Variants in FAM171A1 observed in about 807,000 individuals in gnomAD.
FAM171A1 encodes the protein family with sequence similarity 171 member A1, also known as protein FAM171A1.
In FAM171A1, 23 loss-of-function variants were observed where a neutral mutation model predicts 74.9. That is an observed-to-expected ratio of 0.31 (90% CI 0.22 to 0.44). The LOEUF is 0.44. Ranked by LOEUF, FAM171A1 falls within the 20% of genes least tolerant of loss-of-function variation. FAM171A1 has a pLI of 1.00. For missense variants in FAM171A1, 1,162 were observed against 1,159.2 expected (o/e 1.00, Z -0.03); for synonymous variants, 527 against 505.7 (o/e 1.04, Z -0.57).
chr10:15,212,709 G>A lies in FAM171A1; in HGVS notation c.*206C>T. ...CACTTTCAGCCACCTCCTTGCAGGG[G>A]CGACATCCGCCAAAGTCATCCTTTA... On this transcript the variant is annotated 3_prime_UTR_variant, in exon 8 of 8. Transcript: ENST00000378116. 2.8e-6 allele frequency: 2 copies of A among 718,662 alleles called. No homozygotes were observed. Among genetic ancestry groups the A allele is most frequent in the African/African-American group, 1.8e-5 (1 of 56,016 alleles). 44.5% of individuals were successfully genotyped at this position (718,662 alleles called of 1,614,324 possible).
At chr10:15,303,059 G>C (rs1335140623) in intron 1 of FAM171A1, among the ~76,000 whole-genome samples, 3 of 151,954 alleles carry the variant, frequency 2.0e-5, no homozygotes, top group Non-Finnish European at 4.4e-5. Flanking sequence ...CTTGGTGGCG[G>C]GTACCTGTAA....
chr10:15,232,925 T>C (rs10906867), intron 5 of FAM171A1, among the ~76,000 whole-genome samples: 18,041 of 152,218 alleles, frequency 0.12, 1,116 homozygotes, highest in Middle Eastern at 0.17. Context: ...TTGGGAATAA[T>C]GGTGTAAAAT....
intron 5 of FAM171A1, among the ~76,000 whole-genome samples, chr10:15,225,297 T>A (rs979387797): frequency 1.3e-5 from 2 of 152,154 alleles, no homozygotes; most frequent in African/African-American, 4.8e-5. Flanking sequence ...TGTGAAAGGC[T>A]GGGTGCAGTA....
At chr10:15,227,794 T>C (rs1217241496) in intron 5 of FAM171A1, among the ~76,000 whole-genome samples, 1 of 152,232 alleles carries the variant, frequency 6.6e-6, no homozygotes, top group Admixed American at 6.5e-5. Context: ...GAGTAATGCA[T>C]CCAGCTGGCA....
At chr10:15,354,278 C>T (rs1445667106) in intron 1 of FAM171A1, among the ~76,000 whole-genome samples, 1 of 152,062 alleles carries the variant, frequency 6.6e-6, no homozygotes, top group Non-Finnish European at 1.5e-5. Flanking sequence ...GGCGGATCAC[C>T]TGAGGTTGGG....
chr10:15,323,226 A>G (rs1233289799), intron 1 of FAM171A1, among the ~76,000 whole-genome samples: 1 of 151,284 alleles, frequency 6.6e-6, no homozygotes, highest in Admixed American at 6.6e-5. Flanking sequence ...AGGTTGAGGC[A>G]GGTGGATCAG....
chr10:15,255,414 T>C (rs773618018), intron 3 of FAM171A1, among the ~76,000 whole-genome samples: 4 of 152,180 alleles, frequency 2.6e-5, no homozygotes, highest in Non-Finnish European at 5.9e-5. Context: ...GAATCTTCTC[T>C]TTCTGTGGGA....
intron 1 of FAM171A1, among the ~76,000 whole-genome samples, chr10:15,285,451 G>A (rs571624462): frequency 1.3e-5 from 2 of 152,284 alleles, no homozygotes; most frequent in African/African-American, 4.8e-5. Flanking sequence ...AATGGGCTGA[G>A]GAAGAGGCAA....
At chr10:15,290,209 C>G (rs1420127746) in intron 1 of FAM171A1, among the ~76,000 whole-genome samples, 1 of 150,652 alleles carries the variant, frequency 6.6e-6, no homozygotes, top group African/African-American at 2.4e-5. Context: ...GCCTGGATGA[C>G]AGAGTGAAAA....
intron 2 of FAM171A1, among the ~76,000 whole-genome samples, chr10:15,281,038 T>G (rs185251462): frequency 1.9e-3 from 292 of 152,330 alleles, no homozygotes; most frequent in African/African-American, 6.7e-3. Flanking sequence ...ATGAATGGTT[T>G]AGCACCATCT....
chr10:15,229,112 T>G (rs1834149167), intron 5 of FAM171A1, among the ~76,000 whole-genome samples: 1 of 152,148 alleles, frequency 6.6e-6, no homozygotes, highest in Non-Finnish European at 1.5e-5. Flanking sequence ...AATGAAGACG[T>G]GATTGTCCAC....
At chr10:15,322,695 G>T (rs756762925) in intron 1 of FAM171A1, among the ~76,000 whole-genome samples, 2 of 152,206 alleles carry the variant, frequency 1.3e-5, no homozygotes, top group Non-Finnish European at 2.9e-5. Context: ...CCTCCAGAGT[G>T]GGGTCATTTT....
intron 1 of FAM171A1, among the ~76,000 whole-genome samples, chr10:15,313,720 G>A (rs757267782): frequency 7.2e-5 from 11 of 152,178 alleles, no homozygotes; most frequent in Admixed American, 5.2e-4. Flanking sequence ...CGAGGGTGAA[G>A]GAAAACAGCT....
intron 1 of FAM171A1, among the ~76,000 whole-genome samples, chr10:15,312,856 C>T (rs373070303): frequency 4.6e-5 from 7 of 151,542 alleles, no homozygotes; most frequent in African/African-American, 1.5e-4. Context: ...CCACCACGCC[C>T]GGTTAATTTT....
At chr10:15,271,596 T>A (rs1271588543) in intron 3 of FAM171A1, among the ~76,000 whole-genome samples, 1 of 152,012 alleles carries the variant, frequency 6.6e-6, no homozygotes, top group Non-Finnish European at 1.5e-5. Context: ...TCACCAAAGT[T>A]GAAATGAAGG....
rs1833892395 is a variant in FAM171A1 at position 15,211,768 on chromosome 10, T to C, written c.*1147A>G. 1 of 152,160 alleles carries C rather than the reference T, an allele frequency of 6.6e-6. No homozygotes were observed. Among genetic ancestry groups the C allele is most frequent in the South Asian group, 2.1e-4 (1 of 4,812 alleles). The allele number at this position is 152,160 out of a possible 1,614,324, so 9.4% of individuals were successfully genotyped here. A position where few individuals can be genotyped will look rare whatever the true frequency, so the allele number is the denominator to read the frequency against. ...AGTACATAAGATTTTCTTTTTTTTT[T>C]TTAAATTTTTTTTAATAGTCACATT... is the stretch of plus-strand genomic sequence containing the variant. On this transcript the variant is annotated 3_prime_UTR_variant, in exon 8 of 8. Transcript: ENST00000378116.
At position 15,371,243 on chromosome 10, in the gene FAM171A1, C is replaced by CGCCGCG. The variant is rs1554759106; in HGVS notation, c.-192_-191insCGCGGC. Among the ~76,000 whole-genome samples, 1 of 141,608 alleles carries CGCCGCG rather than the reference C, an allele frequency of 7.1e-6. No homozygotes were observed. Among genetic ancestry groups the CGCCGCG allele is most frequent in the Non-Finnish European group, 1.6e-5 (1 of 64,124 alleles). The allele number at this position is 141,608 out of a possible 152,430, so 92.9% of individuals were successfully genotyped here. A position where few individuals can be genotyped will look rare whatever the true frequency, so the allele number is the denominator to read the frequency against. Reference sequence around the variant, plus strand: ...CCCGCGCCGGGTTTCCCCGAAGAGCCGCGGCGGCGGCGGCGGCGGCGGCTG... The same window carrying CGCCGCG: ...CCCGCGCCGGGTTTCCCCGAAGAGCCGCCGCGGCGGCGGCGGCGGCGGCGGCGGCTG... On this transcript the variant is annotated 5_prime_UTR_variant, in exon 1 of 8. Transcript: ENST00000378116.
intron 3 of FAM171A1, among the ~76,000 whole-genome samples, chr10:15,265,788 T>C (rs1318883438): frequency 6.6e-6 from 1 of 152,128 alleles, no homozygotes; most frequent in Non-Finnish European, 1.5e-5. Context: ...CTTCTGGTTT[T>C]CACCTTTAGT....
intron 2 of FAM171A1, among the ~76,000 whole-genome samples, chr10:15,282,055 T>C (rs1834977127): frequency 6.6e-6 from 1 of 152,170 alleles, no homozygotes; most frequent in South Asian, 2.1e-4. Flanking sequence ...TTCATGTCTT[T>C]AAGCATTCTG....
Sources: allele counts gnomAD v4.1 joint callset (sites outside exome capture counted in the v4.1 genomes callset), GRCh38; gene constraint gnomAD v4.1.1; transcripts MANE v1.5; gene names NCBI Gene and HGNC (gene_info 2026-07-23, HGNC 2026-07-21).